PPARGC1A: variants seen among roughly 807,000 people sequenced by gnomAD.
PPARGC1A encodes peroxisome proliferator-activated receptor gamma coactivator 1-alpha.
In PPARGC1A, 25 loss-of-function variants were observed where a neutral mutation model predicts 88.7. The observed-to-expected ratio is 0.28, with a 90% confidence interval of 0.21 to 0.39. PPARGC1A has a LOEUF of 0.39. Among genes scored for constraint, PPARGC1A ranks in the 10% least tolerant of loss-of-function variants. The pLI is 1.00. For synonymous variants in PPARGC1A, 363 were observed against 355.6 expected, an observed-to-expected ratio of 1.02 and a Z score of -0.24; for missense variants, 880 against 968.7, an observed-to-expected ratio of 0.91 and a Z score of 1.22.
At chr4:24,323,769 A>G in the PPARGC1A span, among the ~76,000 whole-genome samples, 17 of 152,230 alleles carry the variant, frequency 1.1e-4, no homozygotes, top group South Asian at 4.1e-4. Flanking sequence ...TCAATCCCCC[A>G]TCCTCCTGCT....
the PPARGC1A span, among the ~76,000 whole-genome samples, chr4:23,992,770 C>A: frequency 2.0e-5 from 3 of 152,130 alleles, no homozygotes; most frequent in South Asian, 2.1e-4. Context: ...TCATTTTAAA[C>A]TCTTCTTCCC....
chr4:24,442,438 C>G, the PPARGC1A span, among the ~76,000 whole-genome samples: 1 of 152,122 alleles, frequency 6.6e-6, no homozygotes, highest in Non-Finnish European at 1.5e-5. Context: ...CGTAATCTTA[C>G]AAGCATGCAA....
the PPARGC1A span, among the ~76,000 whole-genome samples, chr4:24,054,104 G>A: frequency 6.6e-6 from 1 of 152,162 alleles, no homozygotes; most frequent in Non-Finnish European, 1.5e-5. Context: ...TCAAAGTAGT[G>A]TTGAAATCTC....
the PPARGC1A span, among the ~76,000 whole-genome samples, chr4:24,119,732 T>C: frequency 2.0e-5 from 3 of 152,110 alleles, no homozygotes; most frequent in African/African-American, 7.2e-5. Context: ...AATAAATGAA[T>C]GCAGTCACTC....
chr4:23,886,987 T>G (rs1717027112), intron 1 of PPARGC1A, among the ~76,000 whole-genome samples: 1 of 152,190 alleles, frequency 6.6e-6, no homozygotes, highest in Non-Finnish European at 1.5e-5. Context: ...TGTTTTGGAA[T>G]GCTAAAGTAG....
At chr4:23,923,272 A>G in the PPARGC1A span, among the ~76,000 whole-genome samples, 1 of 152,146 alleles carries the variant, frequency 6.6e-6, no homozygotes. Context: ...AGGGCCTTAC[A>G]TTATATGCAG....
intron 1 of PPARGC1A, among the ~76,000 whole-genome samples, chr4:23,897,018 G>A (rs983883890): frequency 1.3e-5 from 2 of 152,180 alleles, no homozygotes; most frequent in African/African-American, 2.4e-5. Context: ...TTGCAGCCCC[G>A]TGCTTGGGCA....
At chr4:23,805,477 C>T (rs1014363948) in intron 10 of PPARGC1A, among the ~76,000 whole-genome samples, 13 of 152,276 alleles carry the variant, frequency 8.5e-5, no homozygotes, top group East Asian at 5.8e-4. Context: ...GGCTGCCTGA[C>T]GCCCTTCCAT....
intron 12 of PPARGC1A, among the ~76,000 whole-genome samples, chr4:23,796,562 T>C (rs1717645353): frequency 6.6e-6 from 1 of 152,292 alleles, no homozygotes; most frequent in African/African-American, 2.4e-5. Context: ...CATGCCCTTC[T>C]TGGACTCTTA....
intron 2 of PPARGC1A, among the ~76,000 whole-genome samples, chr4:23,880,433 C>T (rs1305363578): frequency 6.6e-6 from 1 of 152,156 alleles, no homozygotes; most frequent in Non-Finnish European, 1.5e-5. Context: ...TTACTTTCTG[C>T]TATTTTCTGA....
At chr4:24,342,858 C>T in the PPARGC1A span, among the ~76,000 whole-genome samples, 3 of 152,128 alleles carry the variant, frequency 2.0e-5, no homozygotes, top group Non-Finnish European at 4.4e-5. Flanking sequence ...CAGGTAAGCT[C>T]CTGACTTCCT....
the PPARGC1A span, among the ~76,000 whole-genome samples, chr4:24,137,917 A>G: frequency 2.6e-5 from 4 of 152,318 alleles, no homozygotes; most frequent in African/African-American, 9.6e-5. Flanking sequence ...TTCTATGATG[A>G]CAACAAGCCC....
chr4:24,431,353 C>G, the PPARGC1A span, among the ~76,000 whole-genome samples: 1 of 152,044 alleles, frequency 6.6e-6, no homozygotes, highest in African/African-American at 2.4e-5. Flanking sequence ...CCTGTTTGTA[C>G]TTGGTAAATA....
At chr4:24,045,540 G>T in the PPARGC1A span, among the ~76,000 whole-genome samples, 1 of 152,112 alleles carries the variant, frequency 6.6e-6, no homozygotes, top group Non-Finnish European at 1.5e-5. Flanking sequence ...AGCTTCTGGT[G>T]GTTGCCAGGA....
At chr4:23,995,771 C>T in the PPARGC1A span, among the ~76,000 whole-genome samples, 3 of 152,256 alleles carry the variant, frequency 2.0e-5, no homozygotes, top group Admixed American at 6.5e-5. Context: ...TGAGCCCACC[C>T]TTTCCTTCCT....
intron 2 of PPARGC1A, chr4:23,879,960 G>A (rs898857151): frequency 2.7e-4 from 41 of 151,928 alleles, no homozygotes; most frequent in African/African-American, 9.2e-4. Context: ...TCCACATCCC[G>A]TCTATGAAAA....
the PPARGC1A span, among the ~76,000 whole-genome samples, chr4:24,148,966 T>G: frequency 6.6e-6 from 1 of 152,168 alleles, no homozygotes; most frequent in Non-Finnish European, 1.5e-5. Context: ...AACTCCAACA[T>G]GCTCACTAGC....
chr4:24,099,720 G>A, the PPARGC1A span, among the ~76,000 whole-genome samples: 1 of 152,158 alleles, frequency 6.6e-6, no homozygotes, highest in African/African-American at 2.4e-5. Context: ...TAAAATGTAA[G>A]TTGGGGAGGG....
the PPARGC1A span, among the ~76,000 whole-genome samples, chr4:23,968,981 T>G: frequency 6.6e-6 from 1 of 152,064 alleles, no homozygotes; most frequent in Non-Finnish European, 1.5e-5. Context: ...GTCCAGAACT[T>G]CATAGCTTGC....
Sources: gnomAD v4.1 joint callset for allele counts (sites outside exome capture counted in the v4.1 genomes callset) on GRCh38, gnomAD v4.1.1 for gene constraint, MANE v1.5 for transcripts, NCBI Gene and HGNC (gene_info 2026-07-23, HGNC 2026-07-21) for gene names.